The following CFAP46 variants were observed in gnomAD, a reference collection of about 807,000 sequenced individuals.
CFAP46 encodes cilia and flagella associated protein 46.
Under a neutral mutation model 325.7 loss-of-function variants are expected in CFAP46, and 245 were observed. The observed-to-expected ratio is 0.75, with a 90% CI of 0.68 to 0.84. The LOEUF (loss-of-function observed/expected upper bound fraction) is 0.84, where lower values mean the gene tolerates loss of function less well. Among genes scored for constraint, CFAP46 ranks in the 40% least tolerant of loss-of-function variants. The pLI is 0.00. For missense variants in CFAP46, 3,346 were observed against 3,543.0 expected (o/e 0.94, Z 1.41); for synonymous variants, 1,523 against 1,495.9 (o/e 1.02, Z -0.42).
chr10:132,828,877 C>T lies in CFAP46; in HGVS notation c.7117+4481G>A, dbSNP rs1273950031. Among the ~76,000 whole-genome samples the T allele has an allele frequency of 1.3e-5, 2 of 152,088 alleles. No homozygotes were observed. Among genetic ancestry groups the T allele is most frequent in the African/African-American group, 4.8e-5 (2 of 41,392 alleles). ...TCCTCGTCCCTTTGCCAGCCACCAC[C>T]CGGCTGTGCACCTGTGGCGTGCTTC... is the stretch of plus-strand genomic sequence containing the variant. On this transcript the variant is annotated intron_variant, in intron 50 of 57. Coordinates refer to ENST00000368586, the MANE Select transcript of CFAP46 (RefSeq NM_001200049.3). This position sits in a 1 kb window ranked among gnomAD's most constrained non-coding sequence, Gnocchi z 4.9.
At chr10:132,912,597 C>CCTCTCT (rs1564798454) in intron 19 of CFAP46, 58 bp downstream of exon 19, 337 of 1,280,938 alleles carry the variant, frequency 2.6e-4, no homozygotes, top group Middle Eastern at 7.8e-4. Flanking sequence ...CTCTCTCTCT[C>CCTCTCT]CTCTCTCCTC....
rs765463481 is a variant in CFAP46, at chr10:132,814,795, C to T, written c.7188+49G>A. On this transcript the variant is annotated intron_variant, in intron 51 of 57. Transcript: ENST00000368586. ...CAGGTGCAGGGGCCAGGAGCCTGACCTCCCGCTGTGCCCACCAGCCCGATC... is the reference window on the plus strand; with the variant it reads ...CAGGTGCAGGGGCCAGGAGCCTGACTTCCCGCTGTGCCCACCAGCCCGATC... The T allele has an allele frequency of 2.3e-5, 37 of 1,613,770 alleles. No individual in the cohort carries two copies. The Admixed American group carries it at 5.0e-4, about 22-fold the overall frequency.
At chr10:132,941,842 C>T (rs1850107844) in intron 2 of CFAP46, 120 bp from the exon 3 acceptor site, 2 of 1,524,204 alleles carry the variant, frequency 1.3e-6, no homozygotes, top group African/African-American at 1.4e-5. Context: ...GTTTCCAGCC[C>T]CATCCTCCAT....
intron 50 of CFAP46, among the ~76,000 whole-genome samples, chr10:132,820,050 A>T (rs567165131): frequency 6.6e-6 from 1 of 152,130 alleles, no homozygotes; most frequent in East Asian, 1.9e-4. Context: ...TAAAAAACCA[A>T]ACAACCCAAT....
Position 132,857,750 on chromosome 10 carries a change from G to GT in CFAP46, c.5413dup (p.Thr1805AsnfsTer17), listed in dbSNP as rs1484029223. 1.9e-6 allele frequency: 3 copies of GT among 1,587,176 alleles called. No homozygotes were observed. In the East Asian group the frequency reaches 6.9e-5, roughly 36 times the overall value. On this transcript the variant is annotated frameshift_variant, in exon 39 of 58. Transcript: ENST00000368586. LOFTEE classifies it high-confidence loss of function. ...GCCATACGCTTCCAAGTAATACGCA[G>GT]TTTTTTGTTCTTCATCTTTCTCGTT...
At chr10:132,895,334 AG>A (rs1178484463) in intron 24 of CFAP46, among the ~76,000 whole-genome samples, 1 of 152,252 alleles carries the variant, frequency 6.6e-6, no homozygotes, top group Non-Finnish European at 1.5e-5. Flanking sequence ...CCTTATGGAA[AG>A]ACCCACAGCT....
rs113474976 is a variant in CFAP46 at position 132,892,525 on chromosome 10, G to C, written c.3220-108C>G. ...AGCTCTGTGTTCCTCTCCTTAAACT[G>C]CTTGCTATTGCCATAAGCAGCTGTA... is the stretch of plus-strand genomic sequence containing the variant. On this transcript the variant is annotated intron_variant, in intron 24 of 57. Coordinates refer to ENST00000368586, the MANE Select transcript of CFAP46 (RefSeq NM_001200049.3). The C allele has an allele frequency of 6.0e-4, 572 of 946,014 alleles. 5 individuals carry two copies. The African/African-American group carries it at 7.6e-3, about 13-fold the overall frequency. 58.6% of individuals were successfully genotyped at this position (946,014 alleles called of 1,614,324 possible).
intron 25 of CFAP46, among the ~76,000 whole-genome samples, chr10:132,888,861 A>G (rs1323661451): frequency 2.5e-4 from 19 of 76,448 alleles, no homozygotes; most frequent in African/African-American, 1.1e-3. Context: ...TGCACCTGCC[A>G]CCTTCACCCC....
chr10:132,843,275 T>C (rs1848372800), intron 44 of CFAP46, among the ~76,000 whole-genome samples: 1 of 152,192 alleles, frequency 6.6e-6, no homozygotes, highest in African/African-American at 2.4e-5. Context: ...TCCAGGGGAA[T>C]GTCCCTAAGG....
At chr10:132,893,474 G>C (rs1324449349) in intron 24 of CFAP46, among the ~76,000 whole-genome samples, 4 of 152,216 alleles carry the variant, frequency 2.6e-5, no homozygotes, top group Non-Finnish European at 5.9e-5. Context: ...TTCATTTGGT[G>C]AGGTGGGAAG....
At chr10:132,922,069 C>A (rs763975051) in intron 13 of CFAP46, 35 bp downstream of exon 13, 1 of 1,537,954 alleles carries the variant, frequency 6.5e-7, no homozygotes, top group East Asian at 2.5e-5. Flanking sequence ...CAAGGTGGAC[C>A]GTTCTGGGCT....
At position 132,926,162 on chromosome 10, in the gene CFAP46, T is replaced by C. The variant is rs544456542; in HGVS notation, c.1065+406A>G. Among the ~76,000 whole-genome samples the C allele has an allele frequency of 3.3e-5, 5 of 152,270 alleles. No homozygotes were observed. The South Asian group carries it at 1.0e-3, about 32-fold the overall frequency. Reference sequence around the variant, plus strand: ...CCTGACGCCAGGGCCGGCGGTGGCTTTTGCCCCTCATCATTAGGACGCCTT... The same window carrying C: ...CCTGACGCCAGGGCCGGCGGTGGCTCTTGCCCCTCATCATTAGGACGCCTT... On this transcript the variant is annotated intron_variant, in intron 10 of 57. Coordinates refer to ENST00000368586, the MANE Select transcript of CFAP46 (RefSeq NM_001200049.3).
chr10:132,899,926 G>A (rs1392276296), intron 22 of CFAP46, among the ~76,000 whole-genome samples: 1 of 152,182 alleles, frequency 6.6e-6, no homozygotes, highest in African/African-American at 2.4e-5. Context: ...CCTGGGTGCC[G>A]GAGACAGCCG....
chr10:132,915,833 C>A (rs989593553), intron 17 of CFAP46, among the ~76,000 whole-genome samples: 1 of 152,146 alleles, frequency 6.6e-6, no homozygotes, highest in Admixed American at 6.5e-5. Context: ...TCCAGCGTGA[C>A]GGATTCGCTG....
intron 44 of CFAP46, among the ~76,000 whole-genome samples, chr10:132,845,591 T>C (rs901642858): frequency 2.2e-4 from 34 of 152,254 alleles, no homozygotes; most frequent in African/African-American, 6.3e-4. Context: ...TTTCTTTAAA[T>C]ACTGCCATTC....
chr10:132,854,318 T>A (rs1262571397), intron 39 of CFAP46, among the ~76,000 whole-genome samples: 1 of 145,794 alleles, frequency 6.9e-6, no homozygotes, highest in Non-Finnish European at 1.5e-5. Context: ...CATACATAGC[T>A]TTCTGTGTTT....
At chr10:132,908,903 A>G (rs1564797008) in intron 21 of CFAP46, among the ~76,000 whole-genome samples, 1 of 152,076 alleles carries the variant, frequency 6.6e-6, no homozygotes. Context: ...GTTGGGTGGG[A>G]ATGGAGGGTC....
chr10:132,941,794 C>G (rs4880292), intron 2 of CFAP46, 72 bp from the exon 3 acceptor site: 1,465,260 of 1,598,916 alleles, frequency 0.92, 671,809 homozygotes, highest in East Asian at 1. Flanking sequence ...GCACCACGGG[C>G]CCGCTTTCAG....
intron 19 of CFAP46, among the ~76,000 whole-genome samples, chr10:132,910,502 C>A (rs567885725): frequency 6.1e-5 from 9 of 146,650 alleles, no homozygotes; most frequent in Admixed American, 6.6e-5. Flanking sequence ...CCCTGGGCTG[C>A]GCCCCAGCTC....
Sources: gnomAD v4.1 joint callset for allele counts (sites outside exome capture counted in the v4.1 genomes callset) on GRCh38, gnomAD v4.1.1 for gene constraint, Gnocchi (gnomAD v3.1) non-coding constraint, MANE v1.5 for transcripts, NCBI Gene and HGNC (gene_info 2026-07-23, HGNC 2026-07-21) for gene names.